CNOT8: variants seen among roughly 807,000 people sequenced by gnomAD.
CNOT8 encodes CCR4-NOT transcription complex subunit 8, also known as CAF1-like protein.
In CNOT8, 18 loss-of-function variants were observed where a neutral mutation model predicts 34.6. The ratio of observed to expected loss-of-function variants is 0.52; its 90% CI spans 0.36 to 0.77. CNOT8 has a LOEUF of 0.77. Ranked by LOEUF, CNOT8 falls within the 30% of genes least tolerant of loss-of-function variation. The probability of loss-of-function intolerance (pLI) is 0.00; values close to 1 mark genes in which losing one functional copy is unlikely to be tolerated. For missense variants in CNOT8, 189 were observed against 347.9 expected, an observed-to-expected ratio of 0.54 and a Z score of 3.63; for synonymous variants, 101 against 118.8, an observed-to-expected ratio of 0.85 and a Z score of 0.98.
At chr5:154,871,679 G>A (rs766752960) in intron 4 of CNOT8, 51 bp from the exon 5 acceptor site, 4 of 1,578,454 alleles carry the variant, frequency 2.5e-6, no homozygotes, top group Non-Finnish European at 2.6e-6. Context: ...GTTGAACACT[G>A]GGGCCTGATA....
chr5:154,872,679 C>A, intron 6 of CNOT8, 28 bp downstream of exon 6: 1 of 1,443,640 alleles, frequency 6.9e-7, no homozygotes, highest in Non-Finnish European at 9.7e-7. Context: ...TGATCACAGG[C>A]CTCTCGGCAG....
intron 3 of CNOT8, among the ~76,000 whole-genome samples, chr5:154,870,239 GTTTT>G (rs961014209): frequency 4.9e-5 from 7 of 141,750 alleles, no homozygotes; most frequent in Admixed American, 2.8e-4. Context: ...TGTGTGTGTT[GTTTT>G]TTTTTTGTTT....
intron 6 of CNOT8, 85 bp downstream of exon 6, chr5:154,872,736 C>A: frequency 1.8e-6 from 1 of 555,426 alleles, no homozygotes; most frequent in Non-Finnish European, 3.1e-6. Flanking sequence ...GTTATGTGGG[C>A]TGAGGTTTGT....
intron 3 of CNOT8, 89 bp downstream of exon 3, chr5:154,865,474 C>T (rs760985144): frequency 6.2e-5 from 50 of 807,368 alleles, no homozygotes; most frequent in Non-Finnish European, 8.9e-5. Flanking sequence ...AAGCAGAGGA[C>T]GGAACAGGGA....
At chr5:154,859,700 G>GT (rs1194764541) in intron 1 of CNOT8, 1 of 152,222 alleles carries the variant, frequency 6.6e-6, no homozygotes, top group Non-Finnish European at 1.5e-5. Flanking sequence ...GCAAGGCCTT[G>GT]ATTGCTTGCA....
chr5:154,869,124 A>AT (rs762244525), intron 3 of CNOT8, among the ~76,000 whole-genome samples: 1,607 of 143,964 alleles, frequency 0.011, 14 homozygotes, highest in Non-Finnish European at 0.016. Flanking sequence ...TTGTTGGTTT[A>AT]TTTTTTTTTT....
intron 1 of CNOT8, among the ~76,000 whole-genome samples, chr5:154,862,136 G>T (rs1191585859): frequency 6.6e-6 from 1 of 152,124 alleles, no homozygotes; most frequent in Non-Finnish European, 1.5e-5. Flanking sequence ...AATACACCAT[G>T]AATCATTCTG....
chr5:154,871,983 TGTG>T lies in CNOT8; in HGVS notation c.618+115_618+117del. The T allele has an allele frequency of 5.7e-6, 5 of 877,586 alleles. 1 individual carries two copies. Among genetic ancestry groups the T allele is most frequent in the Non-Finnish European group, 8.7e-6 (5 of 574,890 alleles). 54.4% of individuals were successfully genotyped at this position (877,586 alleles called of 1,614,324 possible). Reference sequence around the variant, plus strand: ...TGCATTTTTGAGTACTAGATGCTAGTGTGGTGGTAGACAGGGTATAATATAAAG... The same window carrying T: ...TGCATTTTTGAGTACTAGATGCTAGTGTGGTAGACAGGGTATAATATAAAG... On this transcript the variant is annotated intron_variant, in intron 5 of 6. Coordinates refer to ENST00000285896, the MANE Select transcript of CNOT8 (RefSeq NM_001301073.2).
Position 154,870,766 on chromosome 5 carries a change from G to A in CNOT8, c.417G>A (p.Leu139=), listed in dbSNP as rs1428480909. Residue 139 remains leucine (L), a synonymous_variant, in exon 4 of 7, where the codon CTG becomes CTA. Coordinates refer to ENST00000285896, the MANE Select transcript of CNOT8 (RefSeq NM_001301073.2). ...EGIDTLHFAE[L]LMTSGVVLCD... ...TTGACACACTGCACTTTGCAGAGCT[G>A]CTTATGACATCAGGAGTGGTTCTCT... 1.9e-6 allele frequency: 3 copies of A among 1,613,988 alleles called. No homozygotes were observed. The highest frequency in any genetic ancestry group is 1.1e-5 in the South Asian group (1 of 91,078).
At chr5:154,874,973 G>A (rs890220764) in intron 6 of CNOT8, among the ~76,000 whole-genome samples, 1 of 151,818 alleles carries the variant, frequency 6.6e-6, no homozygotes, top group Admixed American at 6.6e-5. Context: ...CTGGAGTGCA[G>A]TGGTACGGCC....
chr5:154,865,150 GT>G (rs773036044), intron 2 of CNOT8, 41 bp from the exon 3 acceptor site: 1 of 1,447,526 alleles, frequency 6.9e-7, no homozygotes, highest in East Asian at 2.4e-5. Context: ...AGCATCCACT[GT>G]TTTGTGAAAC....
chr5:154,862,558 C>G (rs1012447895), intron 1 of CNOT8, among the ~76,000 whole-genome samples: 7 of 152,170 alleles, frequency 4.6e-5, no homozygotes, highest in African/African-American at 1.7e-4. Context: ...TTTTTTAGCA[C>G]TTAAATCCCT....
intron 6 of CNOT8, among the ~76,000 whole-genome samples, chr5:154,873,153 G>A (rs555577622): frequency 4.8e-4 from 73 of 152,320 alleles, no homozygotes; most frequent in African/African-American, 1.7e-3. Context: ...TGATCCGCCT[G>A]GCTTGGTCTC....
At chr5:154,861,847 T>C (rs1252970504) in intron 1 of CNOT8, among the ~76,000 whole-genome samples, 3 of 152,308 alleles carry the variant, frequency 2.0e-5, no homozygotes, top group African/African-American at 4.8e-5. Flanking sequence ...TGCAGGCGCG[T>C]GCCACCACAG....
At position 154,876,318 on chromosome 5, in the gene CNOT8, C is replaced by G. The variant is rs1018831952; in HGVS notation, c.*879C>G. ...GATTTCAGATGGTCATCTGGATTCT[C>G]CCACTTCTCTACTCCATTATTTCTC... On this transcript the variant is annotated 3_prime_UTR_variant, in exon 7 of 7. Transcript: ENST00000285896. 2.0e-5 allele frequency: 3 copies of G among 152,202 alleles called. No homozygotes were observed. Among genetic ancestry groups the G allele is most frequent in the African/African-American group, 7.2e-5 (3 of 41,458 alleles). 9.4% of individuals were successfully genotyped at this position (152,202 alleles called of 1,614,324 possible).
chr5:154,867,602 T>C (rs1379728871), intron 3 of CNOT8: 1 of 182,526 alleles, frequency 5.5e-6, no homozygotes, highest in Non-Finnish European at 1.2e-5. Context: ...TACTTTTTCA[T>C]AGATAAAGCC....
At chr5:154,871,652 CT>C in intron 4 of CNOT8, 77 bp from the exon 5 acceptor site, 5 of 1,366,844 alleles carry the variant, frequency 3.7e-6, no homozygotes, top group African/African-American at 1.5e-5. Context: ...CATTTACAAG[CT>C]TTGAGAAATA....
At chr5:154,863,072 T>C (rs1387513534) in intron 1 of CNOT8, 135 bp from the exon 2 acceptor site, 4 of 472,180 alleles carry the variant, frequency 8.5e-6, no homozygotes, top group South Asian at 2.3e-5. Context: ...CTCCATCATA[T>C]AAAATGGAGA....
chr5:154,866,879 C>T (rs1331776126), intron 3 of CNOT8, among the ~76,000 whole-genome samples: 1 of 151,998 alleles, frequency 6.6e-6, no homozygotes, highest in African/African-American at 2.4e-5. Flanking sequence ...TGCCACTGCA[C>T]TCCAGCCTAG....
Sources: allele counts gnomAD v4.1 joint callset (sites outside exome capture counted in the v4.1 genomes callset), GRCh38; gene constraint gnomAD v4.1.1; transcripts MANE v1.5; gene names NCBI Gene and HGNC (gene_info 2026-07-23, HGNC 2026-07-21).